ABRA: variants seen among roughly 807,000 people sequenced by gnomAD.
The protein encoded by ABRA is actin-binding Rho-activating protein.
ABRA carries 25 observed loss-of-function variants against 33.4 expected under a neutral mutation model. The observed-to-expected ratio is 0.75, with a 90% confidence interval of 0.55 to 1.04. The LOEUF (loss-of-function observed/expected upper bound fraction) is 1.04, where lower values mean the gene tolerates loss of function less well. ABRA is among the 50% of genes least tolerant of loss of function. ABRA has a pLI of 0.00. For missense variants in ABRA, 501 were observed against 491.7 expected, an observed-to-expected ratio of 1.02 and a Z score of -0.18; for synonymous variants, 193 against 176.8, an observed-to-expected ratio of 1.09 and a Z score of -0.73.
chr8:106,761,416 T>G lies in ABRA; in HGVS notation c.767A>C (p.His256Pro). The G allele has an allele frequency of 6.2e-7, 1 of 1,614,226 alleles. No homozygotes were observed. The highest frequency in any genetic ancestry group is 8.5e-7 in the Non-Finnish European group (1 of 1,180,040). Residue 256 changes from histidine to proline, a missense_variant, in exon 2 of 2, where the codon CAC becomes CCC. Transcript: ENST00000311955. ...KGRWQQWADE[H>P]IQSQKLNPFS... The stretch of plus-strand genomic sequence containing the variant: ...AGGATTGAGCTTCTGGGATTGTATG[T>G]GTTCATCAGCCCACTGCTGCCATCT...
intron 1 of ABRA, among the ~76,000 whole-genome samples, chr8:106,762,562 A>G (rs1041071421): frequency 6.6e-6 from 1 of 152,198 alleles, no homozygotes; most frequent in Non-Finnish European, 1.5e-5. Flanking sequence ...CTAACACAGG[A>G]ACAGAAAACC....
chr8:106,766,014 A>C (rs1014219046), intron 1 of ABRA, among the ~76,000 whole-genome samples: 1 of 152,164 alleles, frequency 6.6e-6, no homozygotes, highest in Admixed American at 6.5e-5. Flanking sequence ...GACTTGGATT[A>C]TATGTTTCTT....
In ABRA at chr8:106,761,325, A is replaced by G. The variant is rs762851311; in HGVS notation, c.858T>C (p.Tyr286=). The change falls in exon 2 of 2, where the codon TAT becomes TAC. Residue 286 remains tyrosine (Y), a synonymous_variant. Transcript: ENST00000311955. ...TTTTGGTTCCTTCTTTGGGGCGGCC[A>G]TAGCCCTCATCTCCTTTGTGTAGGC... ...STRLHKGDEG[Y]GRPKEGTKTA... 3.7e-6 allele frequency: 6 copies of G among 1,614,070 alleles called. No individual in the cohort carries two copies. In the African/African-American group the frequency reaches 4.0e-5, roughly 11 times the overall value.
rs767270442 is a variant in ABRA at position 106,769,882 on chromosome 8, G to A, written c.309C>T (p.His103=). Residue 103 remains histidine, a synonymous_variant, in exon 1 of 2, where the codon CAC becomes CAT. Transcript: ENST00000311955. ...QSSEKAPEVS[H]IKKKEVSKTV... is the part of the protein sequence containing the mutation. ...TTTTGGACACCTCTTTCTTTTTGAT[G>A]TGAGAAACCTCAGGGGCTTTCTCTG... 9.3e-6 allele frequency: 15 copies of A among 1,613,958 alleles called. No homozygotes were observed. The Admixed American group carries it at 2.3e-4, about 25-fold the overall frequency.
chr8:106,769,935 G>C lies in ABRA; in HGVS notation c.256C>G (p.Pro86Ala). 1 of 1,614,120 alleles carries C rather than the reference G, an allele frequency of 6.2e-7. No homozygotes were observed. Among genetic ancestry groups the C allele is most frequent in the Non-Finnish European group, 8.5e-7 (1 of 1,180,030 alleles). The stretch of plus-strand genomic sequence containing the variant: ...CTTTGTCCATCTCCATGTCCTTCTG[G>C]CAGGCGGGGTGGCGACTTTGGGGCA... ...QSAPKSPPRL[P>A]EGHGDGQSSE... Residue 86 changes from proline to alanine, a missense_variant, in exon 1 of 2, where the codon CCA becomes GCA. Physicochemically the swap from Pro to Ala is conservative, Grantham distance 27. Transcript: ENST00000311955.
intron 1 of ABRA, 39 bp downstream of exon 1, chr8:106,769,484 T>C (rs2131634015): frequency 6.3e-7 from 1 of 1,583,570 alleles, no homozygotes; most frequent in African/African-American, 1.3e-5. Flanking sequence ...GGCTCAATAG[T>C]GATCCTGACA....
Position 106,769,742 on chromosome 8 carries a change from A to T in ABRA, c.449T>A (p.Ile150Asn), listed in dbSNP as rs1351066776. 6 of 1,613,926 alleles carry T rather than the reference A, an allele frequency of 3.7e-6. No individual in the cohort carries two copies. The highest frequency in any genetic ancestry group is 1.1e-5 in the South Asian group (1 of 91,072). Reference sequence around the variant, plus strand: ...CGTTGGGGAGCCGTGGCTGTGGAGGATTCTGTCAATGTCATTCTCTGGCTG... The same window carrying T: ...CGTTGGGGAGCCGTGGCTGTGGAGGTTTCTGTCAATGTCATTCTCTGGCTG... ...PGQPENDIDR[I>N]LHSHGSPTRR... The change falls in exon 1 of 2, where the codon ATC becomes AAC. Residue 150 changes from isoleucine to asparagine, a missense_variant. By Grantham distance (149) the Ile-to-Asn change is moderately radical. Coordinates refer to ENST00000311955, the MANE Select transcript of ABRA (RefSeq NM_139166.5).
intron 1 of ABRA, among the ~76,000 whole-genome samples, chr8:106,767,480 T>A (rs1432785704): frequency 1.3e-5 from 2 of 152,222 alleles, no homozygotes; most frequent in African/African-American, 4.8e-5. Context: ...TCCAGACCTC[T>A]GAATGCATCC....
chr8:106,761,386 C>A lies in ABRA; in HGVS notation c.797G>T (p.Ser266Ile), dbSNP rs936678368. The A allele has an allele frequency of 6.2e-7, 1 of 1,614,218 alleles. No individual in the cohort carries two copies. Among genetic ancestry groups the A allele is most frequent in the Non-Finnish European group, 8.5e-7 (1 of 1,180,042 alleles). ...GGCCAGCTCGTAATCAAACTCTTCA[C>A]TGAAAGGATTGAGCTTCTGGGATTG... ...HIQSQKLNPF[S>I]EEFDYELAMS... The change falls in exon 2 of 2, where the codon AGT (serine) becomes ATT (isoleucine). Residue 266 changes from serine to isoleucine, a missense_variant. Ser to Ile is a moderately radical substitution (Grantham distance 142, BLOSUM62 -2). Coordinates refer to ENST00000311955, the MANE Select transcript of ABRA (RefSeq NM_139166.5).
At chr8:106,768,479 A>T (rs1023389638) in intron 1 of ABRA, among the ~76,000 whole-genome samples, 6 of 152,222 alleles carry the variant, frequency 3.9e-5, no homozygotes, top group Non-Finnish European at 5.9e-5. Flanking sequence ...GTTGCAAAGT[A>T]ACCAAATCTA....
chr8:106,769,200 T>C (rs1053908693), intron 1 of ABRA, among the ~76,000 whole-genome samples: 3 of 152,232 alleles, frequency 2.0e-5, no homozygotes, highest in African/African-American at 7.2e-5. Context: ...TGTTACTCAT[T>C]ATAGAACTGA....
chr8:106,759,531 C>T lies in ABRA; in HGVS notation c.*1506G>A, dbSNP rs1377445531. Reference sequence around the variant, plus strand: ...TATGCTATTTGTCTTTAACATTTGGCGTAGGTTTCACTTGTAATAGAAGTG... The same window carrying T: ...TATGCTATTTGTCTTTAACATTTGGTGTAGGTTTCACTTGTAATAGAAGTG... On this transcript the variant is annotated 3_prime_UTR_variant, in exon 2 of 2. Transcript: ENST00000311955. 6 of 152,070 alleles carry T rather than the reference C, an allele frequency of 3.9e-5. No individual in the cohort carries two copies. Among genetic ancestry groups the T allele is most frequent in the Non-Finnish European group, 7.4e-5 (5 of 68,014 alleles). The allele number at this position is 152,070 out of a possible 1,614,324, so 9.4% of individuals were successfully genotyped here.
At chr8:106,765,258 C>T (rs940405650) in intron 1 of ABRA, among the ~76,000 whole-genome samples, 1 of 152,000 alleles carries the variant, frequency 6.6e-6, no homozygotes, top group Non-Finnish European at 1.5e-5. Flanking sequence ...TGTCTATAGT[C>T]CCAGCTACAC....
Position 106,769,562 on chromosome 8 carries a change from T to C in ABRA, c.629A>G (p.Gln210Arg), listed in dbSNP as rs764560930. 3 of 1,614,150 alleles carry C rather than the reference T, an allele frequency of 1.9e-6. No individual in the cohort carries two copies. The South Asian group carries it at 3.3e-5, about 18-fold the overall frequency. The part of the protein sequence containing the change: ...AEERPEQDGV[Q>R]VAVVRIKRPL... ...GCGCTTGATCCTGACCACAGCCACC[T>C]GCACTCCATCCTGCTCGGGCCTCTC... The change falls in exon 1 of 2, where the codon CAG (glutamine) becomes CGG (arginine). Residue 210 changes from glutamine to arginine, a missense_variant. Physicochemically the swap from Gln to Arg is conservative, Grantham distance 43. Coordinates refer to ENST00000311955, the MANE Select transcript of ABRA (RefSeq NM_139166.5).
At chr8:106,769,116 A>G (rs1021778730) in intron 1 of ABRA, among the ~76,000 whole-genome samples, 1 of 152,352 alleles carries the variant, frequency 6.6e-6, no homozygotes, top group Admixed American at 6.5e-5. Flanking sequence ...TAGCATAGAC[A>G]TTTGGGACAA....
At chr8:106,767,254 G>A (rs1181417144) in intron 1 of ABRA, among the ~76,000 whole-genome samples, 1 of 152,122 alleles carries the variant, frequency 6.6e-6, no homozygotes, top group African/African-American at 2.4e-5. Context: ...ATTCAGGATC[G>A]GTCCCAGCTG....
In ABRA at chr8:106,769,627, G is replaced by C. The variant is rs770028905; in HGVS notation, c.564C>G (p.Ser188Arg). ...CATAGCCGCTGTCCTCTGTGTCTAC[G>C]CTGTCACTCCTCCATGTGGGCTCCT... ...EQEEPTWRSD[S>R]VDTEDSGYGG... is the part of the protein sequence containing the mutation. Residue 188 changes from serine (S) to arginine (R), a missense_variant, in exon 1 of 2, where the codon AGC becomes AGG. Ser to Arg is a moderately radical substitution (Grantham distance 110). Transcript: ENST00000311955. The C allele has an allele frequency of 4.3e-6, 7 of 1,614,002 alleles. No individual in the cohort carries two copies. In the East Asian group the frequency reaches 1.6e-4, roughly 36 times the overall value.
intron 1 of ABRA, among the ~76,000 whole-genome samples, chr8:106,767,352 G>A (rs6993078): frequency 0.026 from 3,945 of 152,096 alleles, 174 homozygotes; most frequent in African/African-American, 0.091. Flanking sequence ...TTTGGACCCC[G>A]TTATTCCATT....
chr8:106,770,147 C>T lies in ABRA; in HGVS notation c.44G>A (p.Ser15Asn), dbSNP rs1252597109. Residue 15 changes from serine (S) to asparagine (N), a missense_variant, in exon 1 of 2, where the codon AGC (serine) becomes AAC (asparagine). Transcript: ENST00000311955. The part of the protein sequence containing the change: ...EKESGEGPAK[S>N]ALRKIRTATL... The stretch of plus-strand genomic sequence containing the variant: ...GGCTGTGCGTATCTTCCGGAGGGCG[C>T]TCTTGGCTGGGCCCTCCCCGCTTTC... 8 of 1,612,846 alleles carry T rather than the reference C, an allele frequency of 5.0e-6. No homozygotes were observed. In the African/African-American group the frequency reaches 9.3e-5, roughly 19 times the overall value.
Sources: gnomAD v4.1 joint callset for allele counts (sites outside exome capture counted in the v4.1 genomes callset) on GRCh38, gnomAD v4.1.1 for gene constraint, MANE v1.5 for transcripts, NCBI Gene and HGNC (gene_info 2026-07-23, HGNC 2026-07-21) for gene names.